Variants in NCKAP1 observed in about 807,000 individuals in gnomAD.
NCKAP1 encodes NCK associated protein 1.
In NCKAP1, 21 loss-of-function variants were observed where a neutral mutation model predicts 151.2. The observed-to-expected ratio is 0.14, with a 90% CI of 0.10 to 0.20. NCKAP1 has a LOEUF of 0.20. NCKAP1 is among the 10% of genes least tolerant of loss of function. The probability of loss-of-function intolerance (pLI) is 1.00; values close to 1 mark genes in which losing one functional copy is unlikely to be tolerated. For synonymous variants in NCKAP1, 484 were observed against 451.8 expected (o/e 1.07, Z -0.90); for missense variants, 933 against 1,352.1 (o/e 0.69, Z 4.86).
At chr2:182,969,329 A>C (rs999737014) in intron 15 of NCKAP1, among the ~76,000 whole-genome samples, 24 of 152,222 alleles carry the variant, frequency 1.6e-4, no homozygotes, top group Non-Finnish European at 2.8e-4. Context: ...GAAATTAAAC[A>C]ATATGCTCCT....
intron 15 of NCKAP1, among the ~76,000 whole-genome samples, chr2:182,973,322 T>C (rs1320911029): frequency 1.3e-5 from 2 of 151,990 alleles, no homozygotes; most frequent in Admixed American, 1.3e-4. Context: ...TAAAAAAGAA[T>C]AGGTTTAAGT....
At chr2:182,966,388 C>T (rs534609086) in intron 16 of NCKAP1, among the ~76,000 whole-genome samples, 3 of 151,828 alleles carry the variant, frequency 2.0e-5, no homozygotes, top group South Asian at 2.1e-4. Context: ...CAGGTTCAGG[C>T]GATTCTCCTG....
chr2:182,996,834 T>C (rs2105870080), intron 6 of NCKAP1, among the ~76,000 whole-genome samples: 1 of 152,332 alleles, frequency 6.6e-6, no homozygotes, highest in South Asian at 2.1e-4. Flanking sequence ...GGGCTGTAAC[T>C]GAAATTTAGT....
chr2:182,952,286 C>T, intron 23 of NCKAP1, 119 bp downstream of exon 23: 1 of 582,532 alleles, frequency 1.7e-6, no homozygotes, highest in Admixed American at 3.7e-5. Flanking sequence ...TTTTCATTTT[C>T]ATATTAGTAC....
intron 19 of NCKAP1, 85 bp from the exon 20 acceptor site, chr2:182,956,678 T>C: frequency 7.4e-7 from 1 of 1,360,144 alleles, no homozygotes; most frequent in African/African-American, 1.5e-5. Flanking sequence ...TCAACCTTAT[T>C]TGGAGATAAT....
intron 23 of NCKAP1, among the ~76,000 whole-genome samples, chr2:182,948,833 C>G (rs1410398695): frequency 6.6e-6 from 1 of 152,204 alleles, no homozygotes; most frequent in Non-Finnish European, 1.5e-5. Flanking sequence ...CTATCTTAAA[C>G]TGTGTCAGTA....
Position 182,934,738 on chromosome 2 carries a change from AATT to A in NCKAP1, c.2859+11_2859+13del, listed in dbSNP as rs771328864. Reference sequence around the variant, plus strand: ...TTAGAGACTGTAAACCCCAACTATAAATTATATTATTACCTTCATATCAGTTTC... The same window carrying A: ...TTAGAGACTGTAAACCCCAACTATAAATATTATTACCTTCATATCAGTTTC... On this transcript the variant is annotated intron_variant, in intron 26 of 30. Transcript: ENST00000361354. The A allele has an allele frequency of 7.8e-7, 1 of 1,283,986 alleles. No homozygotes were observed. Among genetic ancestry groups the A allele is most frequent in the South Asian group, 1.3e-5 (1 of 76,468 alleles). The allele number at this position is 1,283,986 out of a possible 1,614,324, so 79.5% of individuals were successfully genotyped here. A position where few individuals can be genotyped will look rare whatever the true frequency, so the allele number is the denominator to read the frequency against.
chr2:182,955,114 A>T (rs768458682), intron 20 of NCKAP1, among the ~76,000 whole-genome samples: 1 of 152,194 alleles, frequency 6.6e-6, no homozygotes, highest in Non-Finnish European at 1.5e-5. Flanking sequence ...ACAGTTCATC[A>T]CCAGACTCTT....
intron 28 of NCKAP1, 38 bp downstream of exon 28, chr2:182,928,745 A>G (rs761386081): frequency 7.4e-7 from 1 of 1,359,162 alleles, no homozygotes; most frequent in East Asian, 2.4e-5. Context: ...AAAACCCATG[A>G]TTTATTCATC....
chr2:182,930,675 T>C lies in NCKAP1; in HGVS notation c.2953+20A>G, dbSNP rs1319893924. The C allele has an allele frequency of 1.1e-5, 18 of 1,589,360 alleles. No homozygotes were observed. The highest frequency in any genetic ancestry group is 2.2e-5 in the East Asian group (1 of 44,690). On this transcript the variant is annotated intron_variant, in intron 27 of 30. Transcript: ENST00000361354. ...GGTAACTTTAACTAAGAGTATTAAA[T>C]ATTTACTAATGCATTTTACCCGATT...
intron 26 of NCKAP1, among the ~76,000 whole-genome samples, chr2:182,931,200 C>T (rs1331896719): frequency 2.0e-5 from 3 of 151,926 alleles, no homozygotes; most frequent in African/African-American, 4.8e-5. Context: ...CTAATCATAT[C>T]GTATCTATAA....
intron 15 of NCKAP1, among the ~76,000 whole-genome samples, 167 bp from the exon 16 acceptor site, chr2:182,967,528 C>A (rs563541250): frequency 1.3e-5 from 2 of 152,098 alleles, no homozygotes; most frequent in African/African-American, 4.8e-5. Context: ...CCTTGAAATT[C>A]CTATCAAGAA....
chr2:182,942,194 C>T lies in NCKAP1; in HGVS notation c.2602-31G>A, dbSNP rs145294024. On this transcript the variant is annotated intron_variant, in intron 23 of 30. Coordinates refer to ENST00000361354, the MANE Select transcript of NCKAP1 (RefSeq NM_013436.5). ...AAAAAAAGAAAGATCCTAGGTCAGGCACAGACCTCTTTGTGTTAATGAGAT... is the reference window on the plus strand; with the variant it reads ...AAAAAAAGAAAGATCCTAGGTCAGGTACAGACCTCTTTGTGTTAATGAGAT... 84 of 1,523,038 alleles carry T rather than the reference C, an allele frequency of 5.5e-5. No individual in the cohort carries two copies. The African/African-American group carries it at 1.1e-3, about 19-fold the overall frequency. 94.3% of individuals were successfully genotyped at this position (1,523,038 alleles called of 1,614,324 possible). A position where few individuals can be genotyped will look rare whatever the true frequency, so the allele number is the denominator to read the frequency against.
intron 1 of NCKAP1, among the ~76,000 whole-genome samples, chr2:183,032,838 G>A (rs1312206693): frequency 6.6e-6 from 1 of 152,098 alleles, no homozygotes. Context: ...CTCGACCCCA[G>A]GAGACAGAGA....
At chr2:183,022,322 ATC>A (rs1415748941) in intron 2 of NCKAP1, among the ~76,000 whole-genome samples, 1 of 152,190 alleles carries the variant, frequency 6.6e-6, no homozygotes, top group Admixed American at 6.5e-5. Context: ...TCATAACAAA[ATC>A]TCTCTTTTAG....
intron 1 of NCKAP1, among the ~76,000 whole-genome samples, chr2:183,035,887 T>A (rs1699092192): frequency 6.6e-6 from 1 of 152,158 alleles, no homozygotes; most frequent in Admixed American, 6.5e-5. Flanking sequence ...GAGTATCAGA[T>A]AAGGCCCTAA....
At position 182,989,149 on chromosome 2, in the gene NCKAP1, G is replaced by C. The variant is rs772921382; in HGVS notation, c.828C>G (p.Asp276Glu). 1.2e-6 allele frequency: 2 copies of C among 1,610,594 alleles called. No homozygotes were observed. Among genetic ancestry groups the C allele is most frequent in the East Asian group, 2.2e-5 (1 of 44,810 alleles). Residue 276 changes from aspartate to glutamate, a missense_variant, in exon 9 of 31, where the codon GAC becomes GAG. This residue lies in a region of NCKAP1 where 607 missense variants were observed against 795.0 expected (regional missense o/e 0.76). Coordinates refer to ENST00000361354, the MANE Select transcript of NCKAP1 (RefSeq NM_013436.5). The part of the protein sequence containing the change: ...FILCHGILNT[D>E]ATALNLWKLA... ...GTTTCCAAAGGTTCAGTGCTGTAGC[G>C]TCAGTATTTAGGATCCCATGGCACA...
chr2:182,982,292 C>A (rs1305885591), intron 12 of NCKAP1, among the ~76,000 whole-genome samples: 1 of 152,094 alleles, frequency 6.6e-6, no homozygotes. Context: ...TAATTAATAT[C>A]ATCTAATGAT....
chr2:183,034,253 A>G (rs925806412), intron 1 of NCKAP1, among the ~76,000 whole-genome samples: 1 of 152,188 alleles, frequency 6.6e-6, no homozygotes, highest in Non-Finnish European at 1.5e-5. Flanking sequence ...TAGAAAATAA[A>G]TTTATCCAAA....
Sources: gnomAD v4.1 joint callset for allele counts (sites outside exome capture counted in the v4.1 genomes callset) on GRCh38, gnomAD v4.1.1 for gene constraint, gnomAD v4.1.1 regional missense constraint, MANE v1.5 for transcripts, NCBI Gene and HGNC (gene_info 2026-07-23, HGNC 2026-07-21) for gene names.